ELAVL2: variants seen among roughly 807,000 people sequenced by gnomAD.
The protein encoded by ELAVL2 is ELAV-like protein 2.
Under a neutral mutation model 34.6 loss-of-function variants are expected in ELAVL2, and 4 were observed. That is an observed-to-expected ratio of 0.12 (90% CI 0.06 to 0.26). ELAVL2 has a LOEUF of 0.26. Ranked by LOEUF, ELAVL2 falls within the 10% of genes least tolerant of loss-of-function variation. ELAVL2 has a pLI of 1.00. For missense variants in ELAVL2, 432 were observed against 442.8 expected, an observed-to-expected ratio of 0.98 and a Z score of 0.22; for synonymous variants, 193 against 154.8, an observed-to-expected ratio of 1.25 and a Z score of -1.83.
intron 3 of ELAVL2, among the ~76,000 whole-genome samples, chr9:23,725,320 G>C (rs1564100549): frequency 6.6e-6 from 1 of 152,070 alleles, no homozygotes. Context: ...CTCCCATCCT[G>C]CTTTCTTTTT....
At chr9:23,797,204 C>T (rs2061035665) in intron 1 of ELAVL2, among the ~76,000 whole-genome samples, 1 of 152,166 alleles carries the variant, frequency 6.6e-6, no homozygotes, top group Admixed American at 6.5e-5. Flanking sequence ...CCTACTAATT[C>T]TACTTAAGCC....
intron 1 of ELAVL2, among the ~76,000 whole-genome samples, chr9:23,813,209 G>T (rs1002893084): frequency 6.6e-6 from 1 of 152,090 alleles, no homozygotes; most frequent in Non-Finnish European, 1.5e-5. Flanking sequence ...TACAGCATTG[G>T]TCCAAACATG....
intron 2 of ELAVL2, among the ~76,000 whole-genome samples, chr9:23,740,570 TTTC>T (rs1463100076): frequency 6.6e-6 from 1 of 152,214 alleles, no homozygotes; most frequent in Non-Finnish European, 1.5e-5. Flanking sequence ...TCTGTATTTT[TTTC>T]TTGTTCTTTG....
chr9:23,827,485 C>A (rs2065358286), upstream of ELAVL2, among the ~76,000 whole-genome samples: 2 of 152,176 alleles, frequency 1.3e-5, no homozygotes, highest in African/African-American at 4.8e-5. Context: ...TCTTTTCAAT[C>A]TTGAAAGATA....
intron 2 of ELAVL2, among the ~76,000 whole-genome samples, chr9:23,745,139 G>A (rs2050191486): frequency 6.6e-6 from 1 of 152,092 alleles, no homozygotes; most frequent in South Asian, 2.1e-4. Flanking sequence ...GGGAGCTTGA[G>A]GCTTCAGTGA....
At chr9:23,775,541 C>G (rs2058050600) in intron 1 of ELAVL2, among the ~76,000 whole-genome samples, 1 of 152,170 alleles carries the variant, frequency 6.6e-6, no homozygotes, top group African/African-American at 2.4e-5. Context: ...CAGGCTTGCC[C>G]CTTTCTCCAA....
At chr9:23,707,228 C>T (rs1360669173) in intron 3 of ELAVL2, among the ~76,000 whole-genome samples, 1 of 152,164 alleles carries the variant, frequency 6.6e-6, no homozygotes, top group African/African-American at 2.4e-5. Flanking sequence ...CTTGGGATTG[C>T]TATAAACTGA....
At chr9:23,790,826 AAAACATCCT>A (rs2060238410) in intron 1 of ELAVL2, among the ~76,000 whole-genome samples, 1 of 152,200 alleles carries the variant, frequency 6.6e-6, no homozygotes, top group Admixed American at 6.5e-5. Flanking sequence ...AACACAACAC[AAAACATCCT>A]AAACCTCACA....
chr9:23,739,019 C>A (rs1016177283), intron 2 of ELAVL2, among the ~76,000 whole-genome samples: 1 of 152,178 alleles, frequency 6.6e-6, no homozygotes, highest in African/African-American at 2.4e-5. Flanking sequence ...AGAACTCCCA[C>A]ACAATTCAGT....
At chr9:23,712,505 G>A (rs562478260) in intron 3 of ELAVL2, among the ~76,000 whole-genome samples, 1 of 152,232 alleles carries the variant, frequency 6.6e-6, no homozygotes, top group East Asian at 1.9e-4. Flanking sequence ...TAATGCCTGA[G>A]AATTATTTAG....
intron 5 of ELAVL2, among the ~76,000 whole-genome samples, chr9:23,700,942 G>T (rs933111297): frequency 6.6e-6 from 1 of 152,054 alleles, no homozygotes; most frequent in Non-Finnish European, 1.5e-5. Context: ...GAAAGCTACA[G>T]ATTAGAATTT....
At chr9:23,839,527 A>G in the ELAVL2 span, among the ~76,000 whole-genome samples, 1 of 152,188 alleles carries the variant, frequency 6.6e-6, no homozygotes, top group Non-Finnish European at 1.5e-5. Flanking sequence ...ATGAGTCATC[A>G]CTATTCTAAA....
intron 2 of ELAVL2, among the ~76,000 whole-genome samples, chr9:23,739,001 C>T (rs184491590): frequency 6.6e-6 from 1 of 152,072 alleles, no homozygotes; most frequent in Non-Finnish European, 1.5e-5. Context: ...CATTTTCAGA[C>T]AACATTAAGA....
intron 2 of ELAVL2, among the ~76,000 whole-genome samples, chr9:23,740,763 T>C (rs1010952335): frequency 1.3e-5 from 2 of 152,218 alleles, no homozygotes; most frequent in East Asian, 1.9e-4. Context: ...ATCTGCATTA[T>C]AAAAAGATCC....
chr9:23,723,093 A>G (rs897300219), intron 3 of ELAVL2, among the ~76,000 whole-genome samples: 3 of 152,222 alleles, frequency 2.0e-5, no homozygotes, highest in African/African-American at 7.2e-5. Context: ...TTCTTCTTGT[A>G]AATTTGTTTG....
chr9:23,775,913 T>C (rs1340892325), intron 1 of ELAVL2, among the ~76,000 whole-genome samples: 2 of 152,196 alleles, frequency 1.3e-5, no homozygotes, highest in Non-Finnish European at 2.9e-5. Flanking sequence ...AACCACTCAG[T>C]TGGACCAGAT....
intron 2 of ELAVL2, among the ~76,000 whole-genome samples, chr9:23,755,203 T>C (rs1035239370): frequency 6.6e-6 from 1 of 152,158 alleles, no homozygotes; most frequent in Non-Finnish European, 1.5e-5. Context: ...CCCCAGGTAC[T>C]AAACAAAAGA....
rs138283926 is a variant in ELAVL2 at position 23,708,405 on chromosome 9, C to A, written c.334-3334G>T. Among the ~76,000 whole-genome samples the A allele has an allele frequency of 3.0e-4, 45 of 152,176 alleles. No individual in the cohort carries two copies. The East Asian group carries it at 8.3e-3, about 28-fold the overall frequency. ...AGGCACAGACAAGGTAAATAACATG[C>A]CTAAGGTTATACACAACTAGTGTTG... On this transcript the variant is annotated intron_variant, in intron 3 of 6. Coordinates refer to ENST00000397312, the MANE Select transcript of ELAVL2 (RefSeq NM_004432.5).
At chr9:23,784,597 G>T (rs868071918) in intron 1 of ELAVL2, among the ~76,000 whole-genome samples, 22 of 152,140 alleles carry the variant, frequency 1.4e-4, no homozygotes, top group Admixed American at 3.3e-4. Context: ...AACCCAGCAG[G>T]CAGAGTTTTA....
Sources: allele counts gnomAD v4.1 joint callset (sites outside exome capture counted in the v4.1 genomes callset), GRCh38; gene constraint gnomAD v4.1.1; transcripts MANE v1.5; gene names NCBI Gene and HGNC (gene_info 2026-07-23, HGNC 2026-07-21).